UGT1A9: variants seen among roughly 807,000 people sequenced by gnomAD.
UGT1A9 encodes the protein UDP glucuronosyltransferase family 1 member A9, also known as UDP-glucuronosyltransferase 1A9.
Under a neutral mutation model 45.0 loss-of-function variants are expected in UGT1A9, and 35 were observed. The observed-to-expected ratio is 0.78, with a 90% CI of 0.59 to 1.03. The LOEUF is 1.03. Among genes scored for constraint, UGT1A9 ranks in the 50% least tolerant of loss-of-function variants. The pLI is 0.00. For synonymous variants in UGT1A9, 278 were observed against 250.6 expected, an observed-to-expected ratio of 1.11 and a Z score of -1.03; for missense variants, 687 against 666.6, an observed-to-expected ratio of 1.03 and a Z score of -0.34.
rs1216500349 is a variant in UGT1A9, at chr2:233,713,387, G to A, written c.855+40598G>A. On this transcript the variant is annotated intron_variant, in intron 1 of 4. Transcript: ENST00000354728. Reference sequence around the variant, plus strand: ...TACATAGGTCTTGTGTGGAGCTACTGCATAATGAGGCCCTGATCAGGCACC... The same window carrying A: ...TACATAGGTCTTGTGTGGAGCTACTACATAATGAGGCCCTGATCAGGCACC... 5.0e-6 allele frequency: 8 copies of A among 1,614,014 alleles called. No homozygotes were observed. The Admixed American group carries it at 1.0e-4, about 20-fold the overall frequency.
At chr2:233,696,193 T>C (rs1686074902) in intron 1 of UGT1A9, among the ~76,000 whole-genome samples, 1 of 152,196 alleles carries the variant, frequency 6.6e-6, no homozygotes, top group Admixed American at 6.5e-5. Context: ...CTATCTGCAC[T>C]CCCATGTTTA....
chr2:233,683,205 TC>T (rs1186091559), intron 1 of UGT1A9, among the ~76,000 whole-genome samples: 1 of 152,170 alleles, frequency 6.6e-6, no homozygotes, highest in African/African-American at 2.4e-5. Flanking sequence ...AATTGTCACT[TC>T]TATTTTATCA....
chr2:233,686,134 A>G (rs1344497843), intron 1 of UGT1A9, among the ~76,000 whole-genome samples: 2 of 152,216 alleles, frequency 1.3e-5, no homozygotes, highest in Non-Finnish European at 2.9e-5. Context: ...TATCATATAT[A>G]AAAATTAACT....
chr2:233,758,976 C>A (rs1219647743), intron 1 of UGT1A9, among the ~76,000 whole-genome samples: 1 of 152,198 alleles, frequency 6.6e-6, no homozygotes, highest in Non-Finnish European at 1.5e-5. Flanking sequence ...TCCCCTGGAT[C>A]TTGGGCCAGT....
intron 1 of UGT1A9, among the ~76,000 whole-genome samples, chr2:233,738,371 C>A (rs1337680224): frequency 1.3e-5 from 2 of 152,150 alleles, no homozygotes; most frequent in African/African-American, 4.8e-5. Context: ...TGCTATAAAA[C>A]TACTTGAAAA....
chr2:233,730,435 C>G (rs1237158749), intron 1 of UGT1A9, among the ~76,000 whole-genome samples: 2 of 152,178 alleles, frequency 1.3e-5, no homozygotes, highest in African/African-American at 2.4e-5. Flanking sequence ...GTTGTCCCAT[C>G]TTGCAAATGA....
intron 1 of UGT1A9, chr2:233,693,094 G>A: frequency 6.2e-7 from 1 of 1,614,170 alleles, no homozygotes; most frequent in Non-Finnish European, 8.5e-7. Context: ...ACAAGCTGCT[G>A]GTGGTCCCTC....
chr2:233,753,704 T>C (rs1413802728), intron 1 of UGT1A9: 3 of 152,228 alleles, frequency 2.0e-5, no homozygotes, highest in Non-Finnish European at 4.4e-5. Flanking sequence ...TGCACTTGGC[T>C]TTCATCAACC....
At chr2:233,718,331 G>A (rs1043504676) in intron 1 of UGT1A9, among the ~76,000 whole-genome samples, 5 of 152,242 alleles carry the variant, frequency 3.3e-5, no homozygotes, top group African/African-American at 4.8e-5. Context: ...GCTTAGCAAT[G>A]TTGTATGTCT....
chr2:233,686,779 C>T (rs989054670), intron 1 of UGT1A9, among the ~76,000 whole-genome samples: 1 of 152,154 alleles, frequency 6.6e-6, no homozygotes. Flanking sequence ...AACACTCCAA[C>T]TCTCCTCTTT....
intron 1 of UGT1A9, chr2:233,691,549 G>C (rs1182014664): frequency 1.1e-5 from 11 of 985,572 alleles, no homozygotes; most frequent in South Asian, 4.7e-5. Flanking sequence ...GTCTGTTCTA[G>C]TAATTCAAGG....
intron 1 of UGT1A9, chr2:233,719,820 C>T: frequency 6.4e-7 from 1 of 1,571,828 alleles, no homozygotes; most frequent in Non-Finnish European, 8.6e-7. Flanking sequence ...AACAGATAAA[C>T]TGTTGAGGGG....
At chr2:233,762,715 C>T (rs1406790908) in intron 1 of UGT1A9, among the ~76,000 whole-genome samples, 19 of 149,510 alleles carry the variant, frequency 1.3e-4, no homozygotes, top group Middle Eastern at 3.4e-3. Flanking sequence ...GTATTTTACA[C>T]GGTTTTTTTT....
chr2:233,681,764 A>C, intron 1 of UGT1A9: 1 of 907,294 alleles, frequency 1.1e-6, no homozygotes, highest in Non-Finnish European at 1.3e-6. Flanking sequence ...ATCTCAGCAA[A>C]GGCTACTCAT....
At chr2:233,747,222 A>G (rs2125883623) in intron 1 of UGT1A9, 4 of 1,605,292 alleles carry the variant, frequency 2.5e-6, no homozygotes, top group Middle Eastern at 4.1e-4. Flanking sequence ...AGATGGCCAC[A>G]GGACCCCAGG....
intron 1 of UGT1A9, among the ~76,000 whole-genome samples, chr2:233,676,754 T>G (rs2125510075): frequency 6.6e-6 from 1 of 152,264 alleles, no homozygotes; most frequent in South Asian, 2.1e-4. Flanking sequence ...TAAAACTGGG[T>G]TTATAGACTT....
At chr2:233,734,042 CA>C (rs1279505010) in intron 1 of UGT1A9, among the ~76,000 whole-genome samples, 9 of 152,058 alleles carry the variant, frequency 5.9e-5, no homozygotes, top group Non-Finnish European at 1.5e-5. Context: ...ACCAACATGG[CA>C]CATGTATACA....
chr2:233,707,127 T>C (rs1043935272), intron 1 of UGT1A9, among the ~76,000 whole-genome samples: 3 of 152,176 alleles, frequency 2.0e-5, no homozygotes, highest in African/African-American at 7.2e-5. Flanking sequence ...TGCATTAGGC[T>C]TTCTATCCCG....
Position 233,769,638 on chromosome 2 carries a change from A to C in UGT1A9, c.1295+1199A>C. 1 of 1,610,122 alleles carries C rather than the reference A, an allele frequency of 6.2e-7. No homozygotes were observed. On this transcript the variant is annotated intron_variant, in intron 4 of 4. Transcript: ENST00000354728. This position sits in a 1 kb window ranked among gnomAD's most constrained non-coding sequence, Gnocchi z 4.4. ...CTTGAGCAAGGGACAACAGGGGAGGACTGATGACTGACTTCCCACCTTTGA... is the reference window on the plus strand; with the variant it reads ...CTTGAGCAAGGGACAACAGGGGAGGCCTGATGACTGACTTCCCACCTTTGA...
Sources: allele counts gnomAD v4.1 joint callset (sites outside exome capture counted in the v4.1 genomes callset), GRCh38; gene constraint gnomAD v4.1.1; non-coding constraint Gnocchi (gnomAD v3.1); transcripts MANE v1.5; gene names NCBI Gene and HGNC (gene_info 2026-07-23, HGNC 2026-07-21).